The following BTG4 variants were observed in gnomAD, a reference collection of about 807,000 sequenced individuals.
BTG4 encodes protein BTG4.
Under a neutral mutation model 19.3 loss-of-function variants are expected in BTG4, and 10 were observed. The observed-to-expected ratio is 0.52, with a 90% CI of 0.32 to 0.88. The LOEUF is 0.88. Among genes scored for constraint, BTG4 ranks in the 40% least tolerant of loss-of-function variants. BTG4 has a pLI of 0.04. For synonymous variants in BTG4, 91 were observed against 95.7 expected, an observed-to-expected ratio of 0.95 and a Z score of 0.29; for missense variants, 238 against 281.9, an observed-to-expected ratio of 0.84 and a Z score of 1.11.
the BTG4 span, among the ~76,000 whole-genome samples, chr11:111,425,707 C>T: frequency 0.92 from 140,166 of 152,178 alleles, 64,889 homozygotes; most frequent in East Asian, 1. Flanking sequence ...TACACTCAAT[C>T]TGGGAACTAG....
chr11:111,502,138 AT>A (rs879740173), intron 1 of BTG4, among the ~76,000 whole-genome samples: 1,773 of 143,424 alleles, frequency 0.012, 33 homozygotes, highest in African/African-American at 0.041. Flanking sequence ...TACCCCAGAC[AT>A]TTTTTTTTTT....
At chr11:111,491,788 C>T (rs901710006), downstream of BTG4, among the ~76,000 whole-genome samples, 1 of 148,856 alleles carries the variant, frequency 6.7e-6, no homozygotes, top group Non-Finnish European at 1.5e-5. Flanking sequence ...ATAAGTGGTA[C>T]ATACTCATCA....
chr11:111,482,644 T>C (rs560776268), intron 5 of BTG4, among the ~76,000 whole-genome samples: 2 of 152,260 alleles, frequency 1.3e-5, no homozygotes, highest in South Asian at 2.1e-4. Context: ...CACAGTGATA[T>C]ACTCAACTGA....
chr11:111,449,204 G>C, the BTG4 span: 4 of 151,682 alleles, frequency 2.6e-5, no homozygotes, highest in African/African-American at 7.3e-5. Context: ...TCATTTCCCC[G>C]CCCCTGCCCT....
intron 1 of BTG4, among the ~76,000 whole-genome samples, chr11:111,499,190 T>C (rs1865918545): frequency 1.3e-5 from 2 of 152,216 alleles, no homozygotes; most frequent in Admixed American, 6.5e-5. Flanking sequence ...AATTCCAAAA[T>C]GTGGCTCCAA....
At chr11:111,502,723 A>G (rs1040397703) in intron 1 of BTG4, among the ~76,000 whole-genome samples, 1 of 152,182 alleles carries the variant, frequency 6.6e-6, no homozygotes, top group African/African-American at 2.4e-5. Flanking sequence ...TCATTACTTC[A>G]TCTTCCTGAT....
chr11:111,513,982 A>G (rs948404815), upstream of BTG4: 1 of 153,540 alleles, frequency 6.5e-6, no homozygotes, highest in Admixed American at 6.5e-5. Flanking sequence ...TAACTTTTCT[A>G]TCAATGAAGT....
the BTG4 span, among the ~76,000 whole-genome samples, chr11:111,395,830 C>T: frequency 2.0e-5 from 3 of 152,314 alleles, no homozygotes; most frequent in South Asian, 2.1e-4. Context: ...AGGCAATGCC[C>T]CCTTTGAACT....
chr11:111,494,088 G>A (rs1565462069), downstream of BTG4, among the ~76,000 whole-genome samples: 1 of 152,186 alleles, frequency 6.6e-6, no homozygotes, highest in Admixed American at 6.5e-5. Flanking sequence ...AAACCAAGAT[G>A]TAGGGAGAAG....
At chr11:111,440,513 C>T in the BTG4 span, among the ~76,000 whole-genome samples, 1 of 152,204 alleles carries the variant, frequency 6.6e-6, no homozygotes, top group South Asian at 2.1e-4. Flanking sequence ...ACATCCTTTC[C>T]ATTCTTTCCC....
chr11:111,453,302 T>A, the BTG4 span: 2 of 344,302 alleles, frequency 5.8e-6, no homozygotes. Flanking sequence ...GATGAGGTGC[T>A]CCCTAACCAC....
the BTG4 span, among the ~76,000 whole-genome samples, chr11:111,428,837 C>T: frequency 3.3e-5 from 5 of 152,068 alleles, no homozygotes; most frequent in African/African-American, 1.2e-4. Flanking sequence ...GCCTCAGGTT[C>T]GTGGTAACCA....
intron 1 of BTG4, among the ~76,000 whole-genome samples, chr11:111,509,407 A>G (rs553791000): frequency 5.3e-5 from 8 of 152,280 alleles, no homozygotes; most frequent in Middle Eastern, 3.4e-3. Context: ...AAACAGGTTT[A>G]GGCCAGGTGC....
the BTG4 span, chr11:111,452,368 A>G: frequency 6.6e-6 from 1 of 152,294 alleles, no homozygotes; most frequent in African/African-American, 2.4e-5. Context: ...AGTCTCTGGC[A>G]GACAGTGGGA....
At chr11:111,384,663 G>T in the BTG4 span, 2 of 152,130 alleles carry the variant, frequency 1.3e-5, no homozygotes, top group African/African-American at 4.8e-5. Flanking sequence ...CATTAAAATT[G>T]CTCTTAGAGA....
At chr11:111,448,715 C>G in the BTG4 span, 2 of 152,600 alleles carry the variant, frequency 1.3e-5, no homozygotes, top group African/African-American at 4.8e-5. Context: ...GTTTCCAGGA[C>G]TGTTTTGGTC....
At chr11:111,482,290 C>T (rs914896272) in intron 5 of BTG4, among the ~76,000 whole-genome samples, 3 of 151,956 alleles carry the variant, frequency 2.0e-5, no homozygotes, top group African/African-American at 4.8e-5. Flanking sequence ...TTGTATAACA[C>T]ACACACACGA....
chr11:111,410,101 T>C, the BTG4 span, among the ~76,000 whole-genome samples: 2 of 152,180 alleles, frequency 1.3e-5, no homozygotes, highest in Non-Finnish European at 2.9e-5. Flanking sequence ...TAACCTGCAA[T>C]AGGCTCTTGA....
chr11:111,404,808 A>C, the BTG4 span: 2 of 373,408 alleles, frequency 5.4e-6, no homozygotes, highest in African/African-American at 4.2e-5. Flanking sequence ...ATGGTATACA[A>C]TTAGCAGCAT....
Sources: gnomAD v4.1 joint callset for allele counts (sites outside exome capture counted in the v4.1 genomes callset) on GRCh38, gnomAD v4.1.1 for gene constraint, MANE v1.5 for transcripts, NCBI Gene and HGNC (gene_info 2026-07-23, HGNC 2026-07-21) for gene names.